Variants in AMZ2 observed in about 807,000 individuals in gnomAD.
AMZ2 encodes archaemetzincin-2.
AMZ2 carries 26 observed loss-of-function variants against 36.7 expected under a neutral mutation model. The observed-to-expected ratio is 0.71, with a 90% CI of 0.52 to 0.98. AMZ2 has a LOEUF of 0.98. Ranked by LOEUF, AMZ2 falls within the 50% of genes least tolerant of loss-of-function variation. AMZ2 has a pLI of 0.00. For missense variants in AMZ2, 394 were observed against 430.5 expected (o/e 0.92, Z 0.75); for synonymous variants, 144 against 149.1 (o/e 0.97, Z 0.25).
chr17:68,217,060 A>G (rs780070634), intron 1 of AMZ2, among the ~76,000 whole-genome samples: 5 of 151,990 alleles, frequency 3.3e-5, no homozygotes, highest in Non-Finnish European at 7.4e-5. Context: ...AGTCTTTAAA[A>G]TTTTGAAATA....
chr17:68,208,508 G>A (rs1289105598), intron 1 of AMZ2, among the ~76,000 whole-genome samples: 4 of 152,166 alleles, frequency 2.6e-5, no homozygotes, highest in African/African-American at 7.2e-5. Flanking sequence ...TCAGCGCCCT[G>A]TCAAAAGAGA....
At chr17:68,223,685 G>T (rs1447715666) in intron 1 of AMZ2, among the ~76,000 whole-genome samples, 3 of 151,380 alleles carry the variant, frequency 2.0e-5, no homozygotes, top group Non-Finnish European at 4.4e-5. Flanking sequence ...GATTACAGGT[G>T]CCTGCCACCA....
At chr17:68,239,502 C>G (rs188224522) in intron 1 of AMZ2, among the ~76,000 whole-genome samples, 112 of 152,308 alleles carry the variant, frequency 7.4e-4, no homozygotes, top group Admixed American at 1.9e-3. Flanking sequence ...AATGTCTTCT[C>G]GTGTTAAAAC....
At chr17:68,231,152 C>T (rs1464022199) in intron 1 of AMZ2, among the ~76,000 whole-genome samples, 1 of 151,948 alleles carries the variant, frequency 6.6e-6, no homozygotes, top group African/African-American at 2.4e-5. Flanking sequence ...CAGCCTGGAC[C>T]TCCTGGGCTC....
chr17:68,229,476 G>T (rs372847755), intron 1 of AMZ2, among the ~76,000 whole-genome samples: 4 of 152,168 alleles, frequency 2.6e-5, no homozygotes, highest in African/African-American at 7.2e-5. Flanking sequence ...AGGCACAGAT[G>T]CCTAACATTT....
chr17:68,234,930 G>A (rs1437312518), intron 1 of AMZ2, among the ~76,000 whole-genome samples: 4 of 152,114 alleles, frequency 2.6e-5, no homozygotes, highest in South Asian at 4.1e-4. Context: ...CAGGAGAATC[G>A]CTTGAACCGA....
chr17:68,234,856 A>G (rs1256526956), intron 1 of AMZ2, among the ~76,000 whole-genome samples: 2 of 152,086 alleles, frequency 1.3e-5, no homozygotes, highest in Non-Finnish European at 2.9e-5. Flanking sequence ...TCTCTAGGAA[A>G]ATACAAAAAT....
chr17:68,250,526 G>A, intron 2 of AMZ2, 56 bp downstream of exon 2: 1 of 1,578,556 alleles, frequency 6.3e-7, no homozygotes, highest in Non-Finnish European at 8.6e-7. Flanking sequence ...GCTCTTGTCA[G>A]GAATAGTCCA....
At position 68,250,981 on chromosome 17, in the gene AMZ2, C is replaced by G. The variant is rs1555739389; in HGVS notation, c.457+14C>G. 1 of 1,611,606 alleles carries G rather than the reference C, an allele frequency of 6.2e-7. No individual in the cohort carries two copies. The highest frequency in any genetic ancestry group is 2.2e-5 in the East Asian group (1 of 44,848). ...AAATTCATGCAGGTGAATTACACGA[C>G]TTTGCAATTCGAACTGAGTATATGT... On this transcript the variant is annotated intron_variant, in intron 3 of 6. Coordinates refer to ENST00000359904, the MANE Select transcript of AMZ2 (RefSeq NM_016627.5).
At chr17:68,226,876 T>G (rs1401859900) in intron 1 of AMZ2, among the ~76,000 whole-genome samples, 1 of 150,092 alleles carries the variant, frequency 6.7e-6, no homozygotes, top group Non-Finnish European at 1.5e-5. Context: ...GGGACCAGCC[T>G]TAAGACTTGG....
intron 1 of AMZ2, among the ~76,000 whole-genome samples, chr17:68,208,852 A>G (rs1437669710): frequency 6.6e-6 from 1 of 152,106 alleles, no homozygotes; most frequent in Non-Finnish European, 1.5e-5. Flanking sequence ...CTGCAGCTTC[A>G]CTCCTGAAGC....
At chr17:68,226,340 AC>A (rs1245364633) in intron 1 of AMZ2, among the ~76,000 whole-genome samples, 2 of 152,300 alleles carry the variant, frequency 1.3e-5, no homozygotes, top group East Asian at 1.9e-4. Context: ...AGAATGGAGA[AC>A]CCAGGGAGGC....
At chr17:68,241,063 G>GT (rs1217590330) in intron 1 of AMZ2, among the ~76,000 whole-genome samples, 1 of 152,124 alleles carries the variant, frequency 6.6e-6, no homozygotes, top group East Asian at 1.9e-4. Flanking sequence ...GCAAAGTGTA[G>GT]TTGTAGTCCT....
intron 1 of AMZ2, among the ~76,000 whole-genome samples, chr17:68,209,580 G>GT (rs1555725256): frequency 3.1e-4 from 34 of 108,866 alleles, no homozygotes; most frequent in African/African-American, 1.1e-3. Context: ...AAATAATTGT[G>GT]GGTGTGTGTG....
chr17:68,234,539 T>C (rs1555732078), intron 1 of AMZ2, among the ~76,000 whole-genome samples: 1 of 151,964 alleles, frequency 6.6e-6, no homozygotes, highest in Non-Finnish European at 1.5e-5. Flanking sequence ...GGTGGGAGGA[T>C]TGCTTGAGCT....
chr17:68,234,429 CAA>C (rs879946228), intron 1 of AMZ2, among the ~76,000 whole-genome samples: 2 of 134,556 alleles, frequency 1.5e-5, no homozygotes, highest in African/African-American at 2.7e-5. Flanking sequence ...GACCTTGTCT[CAA>C]AAAAAAAAAA....
chr17:68,210,654 A>G (rs1390006382), intron 1 of AMZ2, among the ~76,000 whole-genome samples: 3 of 152,188 alleles, frequency 2.0e-5, no homozygotes, highest in Non-Finnish European at 4.4e-5. Context: ...ACACTTAAAA[A>G]TGGTTAGAGA....
At chr17:68,256,701 A>T (rs1379720658) in intron 6 of AMZ2, 113 bp from the exon 7 acceptor site, 2 of 1,026,420 alleles carry the variant, frequency 1.9e-6, no homozygotes, top group Non-Finnish European at 2.8e-6. Flanking sequence ...TATCAAATGC[A>T]GCGTCTTCAT....
At chr17:68,209,598 GTGTGTGTATATGTATATATA>G (rs1419339884) in intron 1 of AMZ2, among the ~76,000 whole-genome samples, 29 of 115,848 alleles carry the variant, frequency 2.5e-4, no homozygotes, top group African/African-American at 4.9e-4. Flanking sequence ...GTGTGTGTGT[GTGTGTGTATATGTATATATA>G]TATATATATA....
Sources: allele counts gnomAD v4.1 joint callset (sites outside exome capture counted in the v4.1 genomes callset), GRCh38; gene constraint gnomAD v4.1.1; transcripts MANE v1.5; gene names NCBI Gene and HGNC (gene_info 2026-07-23, HGNC 2026-07-21).